The following ASIC2 variants were observed in gnomAD, a reference collection of about 807,000 sequenced individuals.
ASIC2 encodes the protein acid-sensing ion channel 2.
In ASIC2, 25 loss-of-function variants were observed where a neutral mutation model predicts 57.3. That is an observed-to-expected ratio of 0.44 (90% CI 0.32 to 0.61). The LOEUF is 0.61. Ranked by LOEUF, ASIC2 falls within the 20% of genes least tolerant of loss-of-function variation. The pLI, the probability that ASIC2 is intolerant of heterozygous loss-of-function variation, is 0.06. For missense variants in ASIC2, 641 were observed against 738.1 expected, an observed-to-expected ratio of 0.87 and a Z score of 1.52; for synonymous variants, 319 against 307.5, an observed-to-expected ratio of 1.04 and a Z score of -0.39.
chr17:33,870,264 TCA>T (rs1191892739), intron 1 of ASIC2, among the ~76,000 whole-genome samples: 3 of 121,248 alleles, frequency 2.5e-5, no homozygotes, highest in African/African-American at 9.3e-5. Flanking sequence ...TCTAAGCACT[TCA>T]TCAAAGGCTC....
chr17:33,106,711 G>C (rs560200577), intron 2 of ASIC2, among the ~76,000 whole-genome samples: 251 of 152,176 alleles, frequency 1.6e-3, no homozygotes, highest in African/African-American at 5.8e-3. Context: ...TCCAGGGGCG[G>C]GCACCTGACT....
intron 1 of ASIC2, among the ~76,000 whole-genome samples, chr17:33,415,054 C>T (rs868821622): frequency 6.6e-6 from 1 of 152,344 alleles, no homozygotes; most frequent in Middle Eastern, 3.4e-3. Context: ...GGCAGTCATA[C>T]CACCCTGTGG....
intron 1 of ASIC2, among the ~76,000 whole-genome samples, chr17:33,335,736 T>C (rs1597688109): frequency 6.6e-6 from 1 of 152,304 alleles, no homozygotes; most frequent in South Asian, 2.1e-4. Flanking sequence ...AGCCACATAG[T>C]CATGAACGTG....
intron 1 of ASIC2, among the ~76,000 whole-genome samples, chr17:34,139,563 A>C (rs1440955794): frequency 1.6e-5 from 2 of 123,272 alleles, no homozygotes; most frequent in Non-Finnish European, 3.4e-5. Flanking sequence ...ATAGAGTGGA[A>C]TATCATTTGA....
chr17:33,199,795 C>T (rs1906782846), intron 1 of ASIC2, among the ~76,000 whole-genome samples: 1 of 152,166 alleles, frequency 6.6e-6, no homozygotes, highest in Non-Finnish European at 1.5e-5. Context: ...ATACATGTCA[C>T]ATGTCCATGC....
chr17:34,132,037 T>A (rs1215166205), intron 1 of ASIC2, among the ~76,000 whole-genome samples: 1 of 152,188 alleles, frequency 6.6e-6, no homozygotes, highest in African/African-American at 2.4e-5. Flanking sequence ...CCCTATAAGT[T>A]TGATCTCTGG....
chr17:33,397,126 G>A (rs1287265276), intron 1 of ASIC2, among the ~76,000 whole-genome samples: 1 of 152,154 alleles, frequency 6.6e-6, no homozygotes, highest in Non-Finnish European at 1.5e-5. Flanking sequence ...CTCACTGCCT[G>A]GTGGGAGGCC....
intron 1 of ASIC2, chr17:34,037,417 A>C: frequency 1.9e-6 from 1 of 523,380 alleles, no homozygotes; most frequent in East Asian, 3.2e-5. Flanking sequence ...CTTTTCCTAC[A>C]AGGCCTGGCC....
chr17:33,628,684 T>C (rs1010826829), intron 1 of ASIC2, among the ~76,000 whole-genome samples: 1 of 152,180 alleles, frequency 6.6e-6, no homozygotes, highest in Non-Finnish European at 1.5e-5. Context: ...TTAGCCTGTG[T>C]CCATGCCTGG....
chr17:33,801,599 C>A (rs1912134988), intron 1 of ASIC2, among the ~76,000 whole-genome samples: 2 of 152,110 alleles, frequency 1.3e-5, no homozygotes, highest in South Asian at 4.1e-4. Flanking sequence ...ATATAGTATA[C>A]ATCAAAATGC....
intron 1 of ASIC2, among the ~76,000 whole-genome samples, chr17:33,169,675 TG>T (rs1905434191): frequency 6.6e-6 from 1 of 152,202 alleles, no homozygotes; most frequent in Admixed American, 6.5e-5. Flanking sequence ...TCTCTTGCAG[TG>T]TTTGAGCTCA....
intron 1 of ASIC2, among the ~76,000 whole-genome samples, chr17:33,397,627 T>C (rs1910127450): frequency 6.6e-6 from 1 of 152,150 alleles, no homozygotes; most frequent in Admixed American, 6.5e-5. Flanking sequence ...TCATTTTTAC[T>C]AGAACTGTCC....
chr17:33,592,020 C>T (rs1228015060), intron 1 of ASIC2, among the ~76,000 whole-genome samples: 2 of 152,170 alleles, frequency 1.3e-5, no homozygotes, highest in African/African-American at 2.4e-5. Context: ...TGATAATGTG[C>T]AAAGTTTCCC....
intron 1 of ASIC2, among the ~76,000 whole-genome samples, chr17:33,881,414 C>G (rs1479647069): frequency 6.6e-6 from 1 of 152,206 alleles, no homozygotes; most frequent in Admixed American, 6.5e-5. Flanking sequence ...TCAGCAAAGT[C>G]TCAGGATACA....
chr17:33,444,236 CTT>C (rs766287902), intron 1 of ASIC2, among the ~76,000 whole-genome samples: 59 of 152,328 alleles, frequency 3.9e-4, no homozygotes, highest in Non-Finnish European at 7.9e-4. Flanking sequence ...TTCTCTCGGT[CTT>C]TTAAAACTGC....
intron 1 of ASIC2, among the ~76,000 whole-genome samples, chr17:33,412,509 C>T (rs1029117543): frequency 1.6e-4 from 25 of 152,196 alleles, no homozygotes; most frequent in African/African-American, 4.8e-4. Flanking sequence ...GAGAGGAAGG[C>T]TCAGAGAAGT....
chr17:33,230,704 G>A (rs1290780573), intron 1 of ASIC2, among the ~76,000 whole-genome samples: 1 of 152,000 alleles, frequency 6.6e-6, no homozygotes, highest in Non-Finnish European at 1.5e-5. Flanking sequence ...TGCGAAGGGG[G>A]TAAGAAGGGG....
At chr17:33,498,965 A>G (rs1051276799) in intron 1 of ASIC2, among the ~76,000 whole-genome samples, 6 of 152,212 alleles carry the variant, frequency 3.9e-5, no homozygotes, top group Non-Finnish European at 8.8e-5. Context: ...GAATCATAGA[A>G]CTGTCTGGAA....
At chr17:33,185,513 C>G (rs977028880) in intron 1 of ASIC2, among the ~76,000 whole-genome samples, 1 of 152,050 alleles carries the variant, frequency 6.6e-6, no homozygotes, top group Non-Finnish European at 1.5e-5. Flanking sequence ...GCCCTGTGAT[C>G]GCCCTGCCTT....
Sources: allele counts gnomAD v4.1 joint callset (sites outside exome capture counted in the v4.1 genomes callset), GRCh38; gene constraint gnomAD v4.1.1; transcripts MANE v1.5; gene names NCBI Gene and HGNC (gene_info 2026-07-23, HGNC 2026-07-21).